LEMD3: variants seen among roughly 807,000 people sequenced by gnomAD.
The protein encoded by LEMD3 is LEM domain containing 3.
Under a neutral mutation model 95.2 loss-of-function variants are expected in LEMD3, and 33 were observed. The observed-to-expected ratio is 0.35, with a 90% CI of 0.26 to 0.46. The LOEUF (loss-of-function observed/expected upper bound fraction) is 0.46, where lower values mean the gene tolerates loss of function less well. LEMD3 is among the 20% of genes least tolerant of loss of function. LEMD3 has a pLI of 1.00. For synonymous variants in LEMD3, 525 were observed against 474.6 expected (o/e 1.11, Z -1.38); for missense variants, 1,210 against 1,192.8 (o/e 1.01, Z -0.21).
intron 4 of LEMD3, among the ~76,000 whole-genome samples, chr12:65,220,531 AT>A (rs1462419460): frequency 6.6e-6 from 1 of 151,534 alleles, no homozygotes; most frequent in East Asian, 1.9e-4. Flanking sequence ...TTTTCACTGT[AT>A]TCACTGTTTT....
chr12:65,170,468 G>A lies in LEMD3; in HGVS notation c.872G>A (p.Ser291Asn). Reference protein sequence around the residue: ...LSRHRPRRTHSKPLPPLTAKS... With the variant: ...LSRHRPRRTHNKPLPPLTAKS... ...CGGCATCGGCCCAGACGAACCCATA[G>A]TAAGCCTCTCCCCCCGCTGACTGCT... The change falls in exon 1 of 13, where the codon AGT becomes AAT. Residue 291 changes from serine (S) to asparagine (N), a missense_variant. By Grantham distance (46) the Ser-to-Asn change is conservative. Transcript: ENST00000308330. 6.2e-7 allele frequency: 1 copy of A among 1,613,682 alleles called. No homozygotes were observed. The highest frequency in any genetic ancestry group is 1.7e-4 in the Middle Eastern group (1 of 6,058).
intron 4 of LEMD3, among the ~76,000 whole-genome samples, chr12:65,233,352 A>G (rs1025486473): frequency 1.3e-5 from 2 of 152,120 alleles, no homozygotes; most frequent in African/African-American, 4.8e-5. Context: ...ATACATCTGG[A>G]TAGGTGGCAT....
intron 4 of LEMD3, among the ~76,000 whole-genome samples, chr12:65,224,792 A>T (rs1433152161): frequency 6.6e-6 from 1 of 152,050 alleles, no homozygotes; most frequent in African/African-American, 2.4e-5. Context: ...TTTGGGCCCC[A>T]AATAACATGG....
intron 1 of LEMD3, among the ~76,000 whole-genome samples, chr12:65,176,737 A>G (rs978996003): frequency 1.3e-5 from 2 of 152,332 alleles, no homozygotes; most frequent in South Asian, 2.1e-4. Context: ...TGATAATACT[A>G]TCTGAGGATG....
At chr12:65,187,198 C>G (rs1052465089) in intron 1 of LEMD3, among the ~76,000 whole-genome samples, 1 of 152,040 alleles carries the variant, frequency 6.6e-6, no homozygotes, top group East Asian at 1.9e-4. Context: ...GCTACTTTAG[C>G]TACTTCAGGG....
At chr12:65,230,448 G>GTT (rs555292147) in intron 4 of LEMD3, among the ~76,000 whole-genome samples, 1 of 150,344 alleles carries the variant, frequency 6.7e-6, no homozygotes, top group Non-Finnish European at 1.5e-5. Flanking sequence ...GTGTTTTATG[G>GTT]TTTTTTTTTA....
Position 65,170,865 on chromosome 12 carries a change from G to C in LEMD3, c.1269G>C (p.Arg423Ser), listed in dbSNP as rs756074055. The C allele has an allele frequency of 6.2e-7, 1 of 1,614,202 alleles. No individual in the cohort carries two copies. Residue 423 changes from arginine (R) to serine (S), a missense_variant, in exon 1 of 13, where the codon AGG (arginine) becomes AGC (serine). Physicochemically the swap from Arg to Ser is moderately radical, Grantham distance 110. Around this residue, in one of 2 missense-constraint regions of LEMD3, gnomAD observed 749 missense variants for 622.9 expected, o/e 1.20. Transcript: ENST00000308330. ...SAAVAASSSL[R>S]INHANHTGSN... is the part of the protein sequence containing the mutation. ...CGGTGGCCGCCTCTAGTTCACTCAG[G>C]ATCAATCACGCCAATCATACGGGCT...
At position 65,169,626 on chromosome 12, in the gene LEMD3, G is replaced by A. The variant is rs2136312082; in HGVS notation, c.30G>A (p.Gln10=). Residue 10 remains glutamine (Q), a synonymous_variant, in exon 1 of 13, where the codon CAG becomes CAA. Transcript: ENST00000308330. ...CGGCGGCAGCAGCTTCGGCGCCTCA[G>A]CAGCTCTCGGATGAGGAGCTTTTCT... MAAAAASAP[Q]QLSDEELFSQ... 1 of 1,589,338 alleles carries A rather than the reference G, an allele frequency of 6.3e-7. No homozygotes were observed. The highest frequency in any genetic ancestry group is 1.3e-5 in the African/African-American group (1 of 74,804).
chr12:65,223,971 C>A (rs561281606), intron 4 of LEMD3, among the ~76,000 whole-genome samples: 1 of 151,722 alleles, frequency 6.6e-6, no homozygotes, highest in East Asian at 1.9e-4. Flanking sequence ...CTGATAACAC[C>A]TTAACTTTAG....
chr12:65,218,500 T>C, intron 3 of LEMD3, 52 bp from the exon 4 acceptor site: 1 of 1,067,736 alleles, frequency 9.4e-7, no homozygotes, highest in Admixed American at 1.8e-5. Context: ...GTTTGTTTTC[T>C]TCTGTTTAAG....
At chr12:65,194,240 AACC>A (rs1869338595) in intron 1 of LEMD3, among the ~76,000 whole-genome samples, 2 of 152,158 alleles carry the variant, frequency 1.3e-5, no homozygotes, top group South Asian at 4.1e-4. Flanking sequence ...GTATTCTTGT[AACC>A]ATCCAGTGGG....
intron 1 of LEMD3, among the ~76,000 whole-genome samples, chr12:65,206,678 A>C (rs554383134): frequency 1.3e-5 from 2 of 152,240 alleles, no homozygotes; most frequent in South Asian, 4.1e-4. Context: ...ATCACGGGAT[A>C]CTTTATATTT....
chr12:65,219,848 C>T (rs533658793), intron 4 of LEMD3, among the ~76,000 whole-genome samples: 1 of 152,300 alleles, frequency 6.6e-6, no homozygotes, highest in East Asian at 1.9e-4. Flanking sequence ...ATAATATCTT[C>T]AAGTTTCATC....
chr12:65,240,115 G>T lies in LEMD3; in HGVS notation c.2024-21G>T, dbSNP rs990653496. ...ATTATGTCAAGTGATTGATTCATTT[G>T]TAAATTTTATTTATTTTTAGATGTT... On this transcript the variant is annotated intron_variant, in intron 7 of 12. Coordinates refer to ENST00000308330, the MANE Select transcript of LEMD3 (RefSeq NM_014319.5). 1.9e-6 allele frequency: 3 copies of T among 1,590,738 alleles called. No individual in the cohort carries two copies. The African/African-American group carries it at 4.0e-5, about 21-fold the overall frequency.
chr12:65,176,501 C>T (rs1289124554), intron 1 of LEMD3, among the ~76,000 whole-genome samples: 2 of 152,158 alleles, frequency 1.3e-5, no homozygotes, highest in African/African-American at 4.8e-5. Context: ...TCATTTTGTG[C>T]TCAAATAAGA....
At chr12:65,238,878 A>G in intron 6 of LEMD3, 64 bp downstream of exon 6, 1 of 1,522,974 alleles carries the variant, frequency 6.6e-7, no homozygotes. Flanking sequence ...ATTTCACTAA[A>G]TGCCAGAGTT....
chr12:65,218,783 CTTTT>C (rs10676847), intron 4 of LEMD3, among the ~76,000 whole-genome samples, 164 bp downstream of exon 4: 1 of 123,082 alleles, frequency 8.1e-6, no homozygotes, highest in African/African-American at 3.1e-5. Flanking sequence ...AATTGTTCAA[CTTTT>C]TTTTTTTTTT....
chr12:65,219,406 A>G (rs1175897627), intron 4 of LEMD3, among the ~76,000 whole-genome samples: 1 of 152,200 alleles, frequency 6.6e-6, no homozygotes, highest in Non-Finnish European at 1.5e-5. Context: ...TTTGAAAACC[A>G]TACAGGAAAG....
At position 65,238,786 on chromosome 12, in the gene LEMD3, A is replaced by G. The variant is rs1592462366; in HGVS notation, c.1893A>G (p.Val631=). 6.2e-7 allele frequency: 1 copy of G among 1,614,086 alleles called. No individual in the cohort carries two copies. ...WCRFRRAFVT[V]THRLLLLCLG... ...GTTTTCGACGTGCTTTTGTTACTGT[A>G]ACTCACAGATTATTGTTGTTATGCT... The change falls in exon 6 of 13, where the codon GTA becomes GTG. Residue 631 remains valine (V), a synonymous_variant. Coordinates refer to ENST00000308330, the MANE Select transcript of LEMD3 (RefSeq NM_014319.5).
Sources: allele counts gnomAD v4.1 joint callset (sites outside exome capture counted in the v4.1 genomes callset), GRCh38; gene constraint gnomAD v4.1.1; regional missense constraint gnomAD v4.1.1; transcripts MANE v1.5; gene names NCBI Gene and HGNC (gene_info 2026-07-23, HGNC 2026-07-21).